The following ARPC2 variants were observed in gnomAD, a reference collection of about 807,000 sequenced individuals.
The protein encoded by ARPC2 is actin-related protein 2/3 complex subunit 2.
Under a neutral mutation model 38.6 loss-of-function variants are expected in ARPC2, and 4 were observed. That is an observed-to-expected ratio of 0.10 (90% CI 0.05 to 0.24). The LOEUF (loss-of-function observed/expected upper bound fraction) is 0.24. ARPC2 is among the 10% of genes least tolerant of loss of function. The pLI, the probability that ARPC2 is intolerant of heterozygous loss-of-function variation, is 1.00. For missense variants in ARPC2, 229 were observed against 387.3 expected (o/e 0.59, Z 3.43); for synonymous variants, 125 against 140.8 (o/e 0.89, Z 0.79).
chr2:218,245,943 C>T (rs993334748), intron 8 of ARPC2, among the ~76,000 whole-genome samples: 2 of 151,982 alleles, frequency 1.3e-5, no homozygotes, highest in East Asian at 1.9e-4. Context: ...TGGCTGGGCA[C>T]GGTGGTTCAT....
intron 2 of ARPC2, among the ~76,000 whole-genome samples, chr2:218,220,302 C>T (rs1207144603): frequency 5.3e-5 from 8 of 152,150 alleles, no homozygotes; most frequent in Non-Finnish European, 1.0e-4. Context: ...CAGCCTTTTC[C>T]AGAGTGCATC....
intron 7 of ARPC2, among the ~76,000 whole-genome samples, chr2:218,241,112 C>T (rs1689903907): frequency 6.6e-6 from 1 of 152,188 alleles, no homozygotes; most frequent in African/African-American, 2.4e-5. Context: ...GAAAACGTTA[C>T]TACCTTCATT....
intron 10 of ARPC2, among the ~76,000 whole-genome samples, chr2:218,253,234 G>C (rs1362665354): frequency 6.6e-6 from 1 of 152,200 alleles, no homozygotes; most frequent in African/African-American, 2.4e-5. Flanking sequence ...CTCAGCTCTA[G>C]CTTCCAGGCT....
At chr2:218,251,811 ACTCT>A (rs1215210809) in intron 10 of ARPC2, among the ~76,000 whole-genome samples, 1 of 151,852 alleles carries the variant, frequency 6.6e-6, no homozygotes, top group South Asian at 2.1e-4. Flanking sequence ...AGGGCTTTAC[ACTCT>A]CTCTCTTGCA....
chr2:218,229,340 C>G (rs1689578530), intron 4 of ARPC2: 1 of 152,696 alleles, frequency 6.5e-6, no homozygotes, highest in East Asian at 1.9e-4. Context: ...GATGTCCAGA[C>G]ATTATGAAAC....
At chr2:218,250,068 A>T (rs1188269125) in intron 10 of ARPC2, 147 bp downstream of exon 10, 1 of 660,048 alleles carries the variant, frequency 1.5e-6, no homozygotes, top group East Asian at 2.8e-5. Flanking sequence ...CAAAGGTGGG[A>T]TTCCATGTTC....
At chr2:218,226,223 C>G (rs568582695) in intron 3 of ARPC2, among the ~76,000 whole-genome samples, 1 of 150,800 alleles carries the variant, frequency 6.6e-6, no homozygotes, top group African/African-American at 2.4e-5. Context: ...AACTGGGAGG[C>G]AGGAGTTGCT....
At chr2:218,238,557 A>G (rs1010877669) in intron 5 of ARPC2, 107 bp from the exon 6 acceptor site, 4 of 814,682 alleles carry the variant, frequency 4.9e-6, no homozygotes, top group Non-Finnish European at 7.5e-6. Context: ...AGTTGCCTCT[A>G]GTCTCTGTTT....
intron 5 of ARPC2, chr2:218,234,989 T>A (rs1014787576): frequency 2.6e-6 from 1 of 385,628 alleles, no homozygotes; most frequent in Admixed American, 3.1e-5. Flanking sequence ...ACCCTGTGAT[T>A]CAGTGGCATG....
chr2:218,254,146 A>C lies in ARPC2; in HGVS notation c.*231A>C. On this transcript the variant is annotated 3_prime_UTR_variant, in exon 11 of 11. Coordinates refer to ENST00000315717, the MANE Select transcript of ARPC2 (RefSeq NM_152862.3). ...AAAAGAATTCCACTTGATCAACTTA[A>C]TTCCTTTTCTTTATCTTCCCTCCCT... 5 of 505,372 alleles carry C rather than the reference A, an allele frequency of 9.9e-6. No individual in the cohort carries two copies. The highest frequency in any genetic ancestry group is 3.3e-5 in the East Asian group (1 of 30,306). The allele number at this position is 505,372 out of a possible 1,614,324, so 31.3% of individuals were successfully genotyped here. A position where few individuals can be genotyped will look rare whatever the true frequency, so the allele number is the denominator to read the frequency against.
intron 3 of ARPC2, chr2:218,227,237 A>G: frequency 3.1e-6 from 1 of 320,202 alleles, no homozygotes; most frequent in Non-Finnish European, 6.4e-6. Context: ...CAGGAATTAC[A>G]CAGGCTGAGT....
chr2:218,242,929 G>A, intron 7 of ARPC2, among the ~76,000 whole-genome samples: 1 of 152,234 alleles, frequency 6.6e-6, no homozygotes, highest in African/African-American at 2.4e-5. Flanking sequence ...GTTTTGTGGG[G>A]TTTTTTCCAC....
intron 8 of ARPC2, among the ~76,000 whole-genome samples, chr2:218,248,351 G>A (rs1039748431): frequency 2.0e-5 from 3 of 152,204 alleles, no homozygotes; most frequent in Admixed American, 6.5e-5. Flanking sequence ...GACAACTGAC[G>A]GGGTTTTGCA....
intron 2 of ARPC2, among the ~76,000 whole-genome samples, chr2:218,222,751 C>G (rs1007086735): frequency 6.6e-6 from 1 of 152,114 alleles, no homozygotes; most frequent in African/African-American, 2.4e-5. Context: ...TGCTATATGC[C>G]TTAACATGGT....
rs139515626 is a variant in ARPC2, at chr2:218,230,409, A to G, written c.222+1559A>G. Among the ~76,000 whole-genome samples the G allele has an allele frequency of 6.7e-3, 939 of 140,530 alleles. 10 individuals are homozygous for G. The highest frequency in any genetic ancestry group is 0.025 in the African/African-American group (905 of 36,724). 92.2% of individuals were successfully genotyped at this position (140,530 alleles called of 152,430 possible). A position where few individuals can be genotyped will look rare whatever the true frequency, so the allele number is the denominator to read the frequency against. On this transcript the variant is annotated intron_variant, in intron 4 of 10. Coordinates refer to ENST00000315717, the MANE Select transcript of ARPC2 (RefSeq NM_152862.3). ...CAGGCTCAAGCAGTCCTCTCACCTC[A>G]GCCTCCTGAGTGTCTGGGACTACAG...
chr2:218,223,919 A>G (rs1689438174), intron 2 of ARPC2, among the ~76,000 whole-genome samples: 1 of 152,130 alleles, frequency 6.6e-6, no homozygotes, highest in Admixed American at 6.6e-5. Flanking sequence ...TTGAGAAGCA[A>G]TCTTGTGATG....
intron 7 of ARPC2, 29 bp from the exon 8 acceptor site, chr2:218,245,391 T>G: frequency 6.2e-7 from 1 of 1,613,604 alleles, no homozygotes. Flanking sequence ...CCCACTTCTC[T>G]TCTGGTTGCT....
intron 10 of ARPC2, among the ~76,000 whole-genome samples, chr2:218,250,362 G>A (rs1553650303): frequency 6.6e-6 from 1 of 152,144 alleles, no homozygotes; most frequent in Non-Finnish European, 1.5e-5. Flanking sequence ...CTTTATCAGG[G>A]ATAGAATTGA....
At chr2:218,221,065 G>A (rs1192271883) in intron 2 of ARPC2, among the ~76,000 whole-genome samples, 2 of 152,326 alleles carry the variant, frequency 1.3e-5, no homozygotes, top group Non-Finnish European at 1.5e-5. Flanking sequence ...TTTCGTTAGT[G>A]TACACACCAA....
Sources: gnomAD v4.1 joint callset for allele counts (sites outside exome capture counted in the v4.1 genomes callset) on GRCh38, gnomAD v4.1.1 for gene constraint, MANE v1.5 for transcripts, NCBI Gene and HGNC (gene_info 2026-07-23, HGNC 2026-07-21) for gene names.